SLCO1A2: variants seen among roughly 807,000 people sequenced by gnomAD.
The protein encoded by SLCO1A2 is OATP-1.
Under a neutral mutation model 69.0 loss-of-function variants are expected in SLCO1A2, and 67 were observed. That is an observed-to-expected ratio of 0.97 (90% CI 0.80 to 1.19). The LOEUF is 1.19. Ranked by LOEUF, SLCO1A2 falls within the 50% of genes most tolerant of loss-of-function variation. The pLI is 0.00. For synonymous variants in SLCO1A2, 260 were observed against 265.9 expected, an observed-to-expected ratio of 0.98 and a Z score of 0.22; for missense variants, 787 against 793.7, an observed-to-expected ratio of 0.99 and a Z score of 0.10.
rs1397787844 is a variant in SLCO1A2, at chr12:21,390,427, TTA to T, written c.-190+4477_-190+4478del. On this transcript the variant is annotated intron_variant, in intron 1 of 15. Transcript: ENST00000307378. Reference sequence around the variant, plus strand: ...TTAAAAATCTGAAATACAAATATATTTATAGTTAAAATGATGATAAGGTTTGT... The same window carrying T: ...TTAAAAATCTGAAATACAAATATATTTAGTTAAAATGATGATAAGGTTTGT... 5.3e-5 allele frequency among the ~76,000 whole-genome samples: 8 copies of T among 152,272 alleles called. No homozygotes were observed. In the East Asian group the frequency reaches 9.6e-4, roughly 18 times the overall value.
intron 2 of SLCO1A2, among the ~76,000 whole-genome samples, chr12:21,321,307 T>C (rs2031993714): frequency 6.6e-6 from 1 of 152,190 alleles, no homozygotes; most frequent in South Asian, 2.1e-4. Flanking sequence ...AGGAAGTTCA[T>C]GCTCATCCAT....
exon 1 of SLCO1A2, chr12:21,394,984 G>C (rs1008581548): frequency 1.3e-5 from 2 of 151,806 alleles, no homozygotes; most frequent in Admixed American, 1.3e-4. Context: ...AATAACCAAG[G>C]TAGTCCCATT....
In SLCO1A2 at chr12:21,269,548, T is replaced by C. The variant is rs1410087566; in HGVS notation, c.2013A>G (p.Ter671=). Residue 671 remains the stop codon, a stop_retained_variant, in exon 15 of 15, where the codon TAA becomes TAG. Coordinates refer to ENST00000683939, the MANE Select transcript of SLCO1A2 (RefSeq NM_001386879.1). ...TGAAAAAAGTAATATAATAGGACAA[T>C]TACAATTTAGTTTTCAATTCATCAT... ...LKDDELKTKL[*] is the part of the protein sequence containing the mutation. 1.2e-6 allele frequency: 2 copies of C among 1,603,662 alleles called. No individual in the cohort carries two copies. Among genetic ancestry groups the C allele is most frequent in the Non-Finnish European group, 1.7e-6 (2 of 1,172,016 alleles).
intron 12 of SLCO1A2, among the ~76,000 whole-genome samples, chr12:21,290,743 T>C (rs1198102148): frequency 6.6e-6 from 1 of 152,114 alleles, no homozygotes; most frequent in Non-Finnish European, 1.5e-5. Flanking sequence ...AAGTTAGAAA[T>C]GTGGAAGCAA....
intron 4 of SLCO1A2, among the ~76,000 whole-genome samples, chr12:21,308,199 G>C (rs1026296031): frequency 6.6e-6 from 1 of 152,106 alleles, no homozygotes; most frequent in African/African-American, 2.4e-5. Flanking sequence ...CATTCCCAAA[G>C]CATCAGCAAA....
intron 4 of SLCO1A2, among the ~76,000 whole-genome samples, chr12:21,312,813 C>A (rs1351263758): frequency 6.6e-6 from 1 of 152,122 alleles, no homozygotes; most frequent in Admixed American, 6.5e-5. Context: ...GTGGCTCACA[C>A]CTGTAATCCC....
At position 21,416,041 on chromosome 12, in the gene SLCO1A2, T is replaced by C. The variant is rs557076402; in HGVS notation, c.-312+1841A>G. Among the ~76,000 whole-genome samples, 32 of 152,286 alleles carry C rather than the reference T, an allele frequency of 2.1e-4. No homozygotes were observed. The South Asian group carries it at 6.2e-3, about 30-fold the overall frequency. ...TTTATACATAGTATCCTCTGTTCTTTTGGTGTTTTATTGTTCTTATCTCAT... is the reference window on the plus strand; with the variant it reads ...TTTATACATAGTATCCTCTGTTCTTCTGGTGTTTTATTGTTCTTATCTCAT... On this transcript the variant is annotated intron_variant, in intron 1 of 4. Coordinates refer to the SLCO1A2 transcript ENST00000413682.
At chr12:21,364,927 C>T (rs944776151) in intron 2 of SLCO1A2, among the ~76,000 whole-genome samples, 49 of 152,160 alleles carry the variant, frequency 3.2e-4, no homozygotes, top group African/African-American at 8.7e-4. Context: ...ACATTTCATG[C>T]TCGTGGATAG....
intron 2 of SLCO1A2, among the ~76,000 whole-genome samples, chr12:21,348,016 T>C (rs1001346842): frequency 2.6e-5 from 4 of 152,218 alleles, no homozygotes; most frequent in African/African-American, 7.2e-5. Context: ...TCCAATGAAC[T>C]TTAGTGTTGC....
At chr12:21,415,224 T>A (rs1209498352) in intron 1 of SLCO1A2, among the ~76,000 whole-genome samples, 3 of 152,098 alleles carry the variant, frequency 2.0e-5, no homozygotes, top group Admixed American at 2.0e-4. Flanking sequence ...AAAATTTACA[T>A]CTCTATTTCC....
upstream of SLCO1A2, among the ~76,000 whole-genome samples, chr12:21,398,478 C>T (rs1941561312): frequency 6.8e-6 from 1 of 147,762 alleles, no homozygotes; most frequent in Non-Finnish European, 1.5e-5. Context: ...CCTTCTGAAA[C>T]TATTCCAATC....
chr12:21,302,926 A>G (rs1948901127), intron 6 of SLCO1A2, among the ~76,000 whole-genome samples: 4 of 152,052 alleles, frequency 2.6e-5, no homozygotes, highest in Admixed American at 2.6e-4. Flanking sequence ...TCCTGACTGC[A>G]GATGATTTGT....
At chr12:21,395,806 G>C (rs1941429627), upstream of SLCO1A2, among the ~76,000 whole-genome samples, 1 of 152,154 alleles carries the variant, frequency 6.6e-6, no homozygotes, top group African/African-American at 2.4e-5. Context: ...ACCTGCAGCT[G>C]AGGGTCCTCT....
Position 21,316,712 on chromosome 12 carries a change from A to G in SLCO1A2, c.203-2031T>C, listed in dbSNP as rs1424208068. Among the ~76,000 whole-genome samples the G allele has an allele frequency of 5.3e-5, 8 of 152,110 alleles. No individual in the cohort carries two copies. The East Asian group carries it at 1.2e-3, about 22-fold the overall frequency. On this transcript the variant is annotated intron_variant, in intron 3 of 14. Transcript: ENST00000683939. ...GCAGCTCAAGATCTATTCTTTGTCCATTGTAATTATCACCCTATATCCTCT... is the reference window on the plus strand; with the variant it reads ...GCAGCTCAAGATCTATTCTTTGTCCGTTGTAATTATCACCCTATATCCTCT...
intron 2 of SLCO1A2, among the ~76,000 whole-genome samples, chr12:21,346,805 A>C (rs1005932778): frequency 9.2e-5 from 14 of 152,230 alleles, no homozygotes; most frequent in African/African-American, 3.1e-4. Context: ...AAACAAGATG[A>C]ATTACAAGCC....
intron 1 of SLCO1A2, among the ~76,000 whole-genome samples, chr12:21,400,733 T>G (rs962225692): frequency 6.7e-6 from 1 of 149,116 alleles, no homozygotes; most frequent in African/African-American, 2.5e-5. Flanking sequence ...TGTAGGGACA[T>G]GGATGAAATT....
intron 1 of SLCO1A2, chr12:21,379,568 T>C (rs1940455022): frequency 6.6e-6 from 1 of 152,230 alleles, no homozygotes; most frequent in Non-Finnish European, 1.5e-5. Flanking sequence ...ACACTTTTTT[T>C]GATAGCAGCT....
chr12:21,285,951 G>A (rs1565471080), intron 12 of SLCO1A2, among the ~76,000 whole-genome samples: 1 of 152,112 alleles, frequency 6.6e-6, no homozygotes, highest in Non-Finnish European at 1.5e-5. Flanking sequence ...ACTGGCACAA[G>A]ACAGGGATGC....
chr12:21,332,923 G>A (rs890298355), intron 2 of SLCO1A2, among the ~76,000 whole-genome samples: 8 of 152,000 alleles, frequency 5.3e-5, no homozygotes, highest in African/African-American at 1.9e-4. Context: ...ATTTTTGTGA[G>A]ACCTAAATAG....
Sources: allele counts gnomAD v4.1 joint callset (sites outside exome capture counted in the v4.1 genomes callset), GRCh38; gene constraint gnomAD v4.1.1; transcripts MANE v1.5; gene names NCBI Gene and HGNC (gene_info 2026-07-23, HGNC 2026-07-21).